Variants in ALS2CL observed in about 807,000 individuals in gnomAD.
The protein encoded by ALS2CL is ALS2 C-terminal-like protein.
ALS2CL carries 112 observed loss-of-function variants against 127.9 expected under a neutral mutation model. The observed-to-expected ratio is 0.88, with a 90% CI of 0.75 to 1.02. ALS2CL has a LOEUF of 1.02. Ranked by LOEUF, ALS2CL falls within the 50% of genes least tolerant of loss-of-function variation. The pLI, the probability that ALS2CL is intolerant of heterozygous loss-of-function variation, is 0.00. For missense variants in ALS2CL, 1,174 were observed against 1,236.7 expected (o/e 0.95, Z 0.76); for synonymous variants, 519 against 527.6 (o/e 0.98, Z 0.22).
chr3:46,687,718 A>C, intron 3 of ALS2CL, 34 bp from the exon 4 acceptor site: 1 of 1,596,770 alleles, frequency 6.3e-7, no homozygotes, highest in Non-Finnish European at 8.5e-7. Flanking sequence ...CTGCAAACCC[A>C]GTCCTCAGCC....
At position 46,682,014 on chromosome 3, in the gene ALS2CL, C is replaced by T. The variant is rs757058519; in HGVS notation, c.1175+15G>A. ...CCACTGCACGCCTCCCAGCAGTAGC[C>T]CCAGCCAGCCTTACCCATGCTCCAG... On this transcript the variant is annotated intron_variant, in intron 11 of 25. Transcript: ENST00000318962. 4 of 1,613,528 alleles carry T rather than the reference C, an allele frequency of 2.5e-6. No homozygotes were observed. Among genetic ancestry groups the T allele is most frequent in the Non-Finnish European group, 3.4e-6 (4 of 1,179,838 alleles).
At chr3:46,678,528 G>T in intron 15 of ALS2CL, 139 bp from the exon 16 acceptor site, 1 of 1,190,220 alleles carries the variant, frequency 8.4e-7, no homozygotes, top group Non-Finnish European at 1.1e-6. Flanking sequence ...CATTCAAGCT[G>T]CTCCATGCTG....
intron 4 of ALS2CL, 91 bp downstream of exon 4, chr3:46,687,528 C>A (rs977558568): frequency 7.0e-7 from 1 of 1,430,092 alleles, no homozygotes; most frequent in African/African-American, 1.4e-5. Context: ...GGCTGTGACA[C>A]CTGCTGCTCT....
rs536570568 is a variant in ALS2CL at position 46,687,138 on chromosome 3, G to T, written c.379C>A (p.Arg127=). The change falls in exon 5 of 26, where the codon CGG becomes AGG. Residue 127 remains arginine, a synonymous_variant. Coordinates refer to ENST00000318962, the MANE Select transcript of ALS2CL (RefSeq NM_147129.5). ...KAAKRRSEYW[R]GQRKALRQLL... ...TGCCGCAGCGCCTTCCGCTGGCCCC[G>T]CCAGTACTCGCTGCGTGTAGAGAGG... 6.4e-7 allele frequency: 1 copy of T among 1,562,556 alleles called. No homozygotes were observed. The highest frequency in any genetic ancestry group is 1.2e-5 in the South Asian group (1 of 85,888).
At position 46,679,200 on chromosome 3, in the gene ALS2CL, T is replaced by A. The variant is rs749076078; in HGVS notation, c.1626+10A>T. ...GGCAGGGTGTGGAGGGGGGCCTCAGTGGTCCTCACCTTCCCCATGAGGGTC... is the reference window on the plus strand; with the variant it reads ...GGCAGGGTGTGGAGGGGGGCCTCAGAGGTCCTCACCTTCCCCATGAGGGTC... On this transcript the variant is annotated intron_variant, in intron 15 of 25. Transcript: ENST00000318962. 68 of 1,554,982 alleles carry A rather than the reference T, an allele frequency of 4.4e-5. No homozygotes were observed. The South Asian group carries it at 7.5e-4, about 17-fold the overall frequency.
In ALS2CL at chr3:46,676,844, C is replaced by A. The variant is rs1272354481; in HGVS notation, c.1931+5G>T. ...ACCTGTGCATGCTCACACAGCCGGC[C>A]TCACCTCTCGCAGGACAGGTAATCC... On this transcript the variant is annotated splice_donor_5th_base_variant and intron_variant, in intron 17 of 25. Transcript: ENST00000318962. The A allele has an allele frequency of 1.9e-6, 3 of 1,613,464 alleles. No homozygotes were observed. Among genetic ancestry groups the A allele is most frequent in the Non-Finnish European group, 2.5e-6 (3 of 1,179,926 alleles).
chr3:46,676,406 G>A lies in ALS2CL; in HGVS notation c.2029-4C>T. On this transcript the variant is annotated splice_polypyrimidine_tract_variant and splice_region_variant and intron_variant, in intron 18 of 25. Coordinates refer to ENST00000318962, the MANE Select transcript of ALS2CL (RefSeq NM_147129.5). ...GGTGCAGTGAGTTGCTCAGAGCCTG[G>A]GCCAGTGCATAGGCAACAGAGAGAG... 6.2e-7 allele frequency: 1 copy of A among 1,613,762 alleles called. No individual in the cohort carries two copies. The highest frequency in any genetic ancestry group is 8.5e-7 in the Non-Finnish European group (1 of 1,179,940).
rs574519381 is a variant in ALS2CL, at chr3:46,677,174, G to A, written c.1758-152C>T. 74 of 1,439,782 alleles carry A rather than the reference G, an allele frequency of 5.1e-5. 1 individual carries two copies. The South Asian group carries it at 9.5e-4, about 18-fold the overall frequency. The allele number at this position is 1,439,782 out of a possible 1,614,324, so 89.2% of individuals were successfully genotyped here. Reference sequence around the variant, plus strand: ...GGATGGATTGAACCATGCAGAGGGGGCTGACCTCCACGGCTCCAGGAGGAA... The same window carrying A: ...GGATGGATTGAACCATGCAGAGGGGACTGACCTCCACGGCTCCAGGAGGAA... On this transcript the variant is annotated intron_variant, in intron 16 of 25. Coordinates refer to ENST00000318962, the MANE Select transcript of ALS2CL (RefSeq NM_147129.5).
At position 46,679,282 on chromosome 3, in the gene ALS2CL, C is replaced by G; in HGVS notation, c.1554G>C (p.Pro518=). The G allele has an allele frequency of 1.3e-6, 2 of 1,586,838 alleles. No homozygotes were observed. Among genetic ancestry groups the G allele is most frequent in the Non-Finnish European group, 8.6e-7 (1 of 1,166,082 alleles). The change falls in exon 15 of 26, where the codon CCG becomes CCC. Residue 518 remains proline (P), a synonymous_variant. Coordinates refer to ENST00000318962, the MANE Select transcript of ALS2CL (RefSeq NM_147129.5). ...GTFQADKTVG[P]GILLSEDDSL... ...AGTCGTCTTCAGAGAGGAGGATGCC[C>G]GGGCCCTTGGGGAGAGGAAGCCAGG...
At chr3:46,671,260 G>C (rs565620006) in intron 25 of ALS2CL, among the ~76,000 whole-genome samples, 196 bp from the exon 26 acceptor site, 9 of 152,326 alleles carry the variant, frequency 5.9e-5, no homozygotes, top group Admixed American at 4.6e-4. Flanking sequence ...GCAGCATGGA[G>C]CAATCATGGC....
At position 46,673,390 on chromosome 3, in the gene ALS2CL, G is replaced by A. The variant is rs776988099; in HGVS notation, c.2430-9C>T. 8 of 1,560,004 alleles carry A rather than the reference G, an allele frequency of 5.1e-6. No homozygotes were observed. The African/African-American group carries it at 9.5e-5, about 19-fold the overall frequency. On this transcript the variant is annotated splice_polypyrimidine_tract_variant and intron_variant, in intron 21 of 25. Coordinates refer to ENST00000318962, the MANE Select transcript of ALS2CL (RefSeq NM_147129.5). ...TGAGGGGCCACAAGTGCCTGAAATT[G>A]AAAAAGTGAGACAGGAGGCTCTGCC...
Position 46,670,982 on chromosome 3 carries a change from G to A in ALS2CL, c.*2C>T, listed in dbSNP as rs780782567. 3 of 1,613,568 alleles carry A rather than the reference G, an allele frequency of 1.9e-6. No homozygotes were observed. The African/African-American group carries it at 4.0e-5, about 22-fold the overall frequency. ...TCTTCAGTCTGTCCAGGAAAGGCCA[G>A]GCTACCAGAGCTCCCTGGAGTGCCA... On this transcript the variant is annotated 3_prime_UTR_variant, in exon 26 of 26. Coordinates refer to ENST00000318962, the MANE Select transcript of ALS2CL (RefSeq NM_147129.5). This position sits in a 1 kb window ranked among gnomAD's most constrained non-coding sequence, Gnocchi z 5.5.
At position 46,691,570 on chromosome 3, in the gene ALS2CL, GA is replaced by G. The variant is rs1358784447; in HGVS notation, c.-26+2072del. 2.6e-5 allele frequency among the ~76,000 whole-genome samples: 4 copies of G among 151,882 alleles called. No individual in the cohort carries two copies. In the East Asian group the frequency reaches 7.7e-4, roughly 29 times the overall value. On this transcript the variant is annotated intron_variant, in intron 1 of 25. Transcript: ENST00000318962. ...TGCCCAGTCTCAGCTGCTCCCCCAG[GA>G]GCAGCCCTCACCTGGCTGCTCAGCC...
intron 14 of ALS2CL, chr3:46,680,139 A>ATC: frequency 2.5e-6 from 1 of 396,740 alleles, no homozygotes; most frequent in Admixed American, 3.6e-5. Context: ...AATGTCAGCT[A>ATC]ATGCATCATC....
chr3:46,680,340 T>A, intron 14 of ALS2CL, 90 bp downstream of exon 14: 1 of 1,356,406 alleles, frequency 7.4e-7, no homozygotes, highest in Non-Finnish European at 1.0e-6. Flanking sequence ...CCCTTTCCCA[T>A]CCCTCCCTGA....
rs777453223 is a variant in ALS2CL at position 46,683,285 on chromosome 3, G to T, written c.954C>A (p.Ala318=). The change falls in exon 10 of 26, where the codon GCC becomes GCA. Residue 318 remains alanine (A), a synonymous_variant. Coordinates refer to ENST00000318962, the MANE Select transcript of ALS2CL (RefSeq NM_147129.5). The part of the protein sequence containing the change: ...QWKVTWAVHQ[A]LHGKKDFPVL... ...CGGGGAAGTCCTTCTTCCCATGCAG[G>T]GCCTGGTGAACAGCCCAGGTCACCT... 1 of 1,603,334 alleles carries T rather than the reference G, an allele frequency of 6.2e-7. No homozygotes were observed. The highest frequency in any genetic ancestry group is 1.7e-5 in the Admixed American group (1 of 58,694).
At position 46,686,990 on chromosome 3, in the gene ALS2CL, A is replaced by G. The variant is rs145807890; in HGVS notation, c.527T>C (p.Ile176Thr). The G allele has an allele frequency of 4.2e-4, 664 of 1,594,582 alleles. 1 individual carries two copies. The highest frequency in any genetic ancestry group is 4.9e-4 in the Non-Finnish European group (578 of 1,174,706). The change falls in exon 5 of 26, where the codon ATT (isoleucine) becomes ACT (threonine). Residue 176 changes from isoleucine to threonine, a missense_variant. Physicochemically the swap from Ile to Thr is moderately conservative, Grantham distance 89. Coordinates refer to ENST00000318962, the MANE Select transcript of ALS2CL (RefSeq NM_147129.5). The surrounding 1 kb of genome is among the most constrained non-coding windows in gnomAD (Gnocchi z 4.3). ...VLLLLSLGDT[I>T]GEHHPTRELV... ...GCTGCCCCTGGTACCCACCTCCCCA[A>G]TGGTGTCCCCGAGGCTCAGCAGGAG...
At chr3:46,678,136 G>C in intron 16 of ALS2CL, 123 bp downstream of exon 16, 1 of 1,127,700 alleles carries the variant, frequency 8.9e-7, no homozygotes, top group Non-Finnish European at 1.1e-6. Flanking sequence ...CTGGGCTCTC[G>C]GAACTCTCTA....
At position 46,676,242 on chromosome 3, in the gene ALS2CL, CA is replaced by C; in HGVS notation, c.2186+2del. The C allele has an allele frequency of 6.2e-7, 1 of 1,612,414 alleles. No homozygotes were observed. The highest frequency in any genetic ancestry group is 8.5e-7 in the Non-Finnish European group (1 of 1,179,358). ...TAGCTGTCCCGTTTGCCACCGAGCCCACCTGTAGGCAGCCCAGAGTTCCTGG... is the reference window on the plus strand; with the variant it reads ...TAGCTGTCCCGTTTGCCACCGAGCCCCCTGTAGGCAGCCCAGAGTTCCTGG... On this transcript the variant is annotated splice_donor_variant, in intron 19 of 25. Coordinates refer to ENST00000318962, the MANE Select transcript of ALS2CL (RefSeq NM_147129.5). LOFTEE classifies it high-confidence loss of function.
Sources: gnomAD v4.1 joint callset for allele counts (sites outside exome capture counted in the v4.1 genomes callset) on GRCh38, gnomAD v4.1.1 for gene constraint, Gnocchi (gnomAD v3.1) non-coding constraint, MANE v1.5 for transcripts, NCBI Gene and HGNC (gene_info 2026-07-23, HGNC 2026-07-21) for gene names.